USHBP1: variants seen among roughly 807,000 people sequenced by gnomAD.
The protein encoded by USHBP1 is harmonin-binding protein USHBP1.
USHBP1 carries 67 observed loss-of-function variants against 76.2 expected under a neutral mutation model. That is an observed-to-expected ratio of 0.88 (90% confidence interval 0.72 to 1.08). USHBP1 has a LOEUF of 1.08. USHBP1 is among the 50% of genes least tolerant of loss of function. The pLI, the probability that USHBP1 is intolerant of heterozygous loss-of-function variation, is 0.00. For missense variants in USHBP1, 931 were observed against 915.0 expected (o/e 1.02, Z -0.23); for synonymous variants, 322 against 362.2 (o/e 0.89, Z 1.26).
rs117148499 is a variant in USHBP1 at position 17,249,937 on chromosome 19, C to T, written c.*288G>A. ...GTGGCTATGCAACCTCACGGACCCC[C>T]GAAATGCGTCAGTCCCAGGGACCTG... On this transcript the variant is annotated 3_prime_UTR_variant, in exon 13 of 13. Coordinates refer to ENST00000252597, the MANE Select transcript of USHBP1 (RefSeq NM_031941.4). 1.7e-5 allele frequency: 7 copies of T among 411,070 alleles called. No individual in the cohort carries two copies. The highest frequency in any genetic ancestry group is 1.1e-4 in the East Asian group (2 of 18,712). 25.5% of individuals were successfully genotyped at this position (411,070 alleles called of 1,614,324 possible). A position where few individuals can be genotyped will look rare whatever the true frequency, so the allele number is the denominator to read the frequency against.
In USHBP1 at chr19:17,250,258, G is replaced by A. The variant is rs71338617; in HGVS notation, c.2079C>T (p.Leu693=). ...ARALGKPRPP[L]PPPQLGDTFL The stretch of plus-strand genomic sequence containing the variant: ...AGGTGTCCCCAAGCTGGGGAGGCGG[G>A]AGGGGAGGCCTGGGCTTCCCCAGGG... Residue 693 remains leucine, a synonymous_variant, in exon 13 of 13, where the codon CTC becomes CTT. Coordinates refer to ENST00000252597, the MANE Select transcript of USHBP1 (RefSeq NM_031941.4). 24 of 1,612,926 alleles carry A rather than the reference G, an allele frequency of 1.5e-5. No individual in the cohort carries two copies. The East Asian group carries it at 5.4e-4, about 36-fold the overall frequency.
At chr19:17,261,337 C>CTTTCTTT (rs747378053) in intron 4 of USHBP1, among the ~76,000 whole-genome samples, 1,716 of 123,894 alleles carry the variant, frequency 0.014, 23 homozygotes, top group East Asian at 0.024. Flanking sequence ...TTCTTTCTTT[C>CTTTCTTT]TTTTTTTTTT....
At chr19:17,255,736 C>T in intron 9 of USHBP1, 130 bp from the exon 10 acceptor site, 1 of 1,011,916 alleles carries the variant, frequency 9.9e-7, no homozygotes, top group Middle Eastern at 3.2e-4. Context: ...CGCAGTGGCT[C>T]ATGCCTGTAA....
intron 6 of USHBP1, 62 bp from the exon 7 acceptor site, chr19:17,259,491 T>G: frequency 6.2e-7 from 1 of 1,608,764 alleles, no homozygotes; most frequent in South Asian, 1.1e-5. Context: ...AGGCCTCAAT[T>G]TCCACCCTTT....
chr19:17,258,299 A>G lies in USHBP1; in HGVS notation c.1133T>C (p.Leu378Pro). The G allele has an allele frequency of 1.9e-6, 3 of 1,614,074 alleles. No homozygotes were observed. Among genetic ancestry groups the G allele is most frequent in the Non-Finnish European group, 2.5e-6 (3 of 1,180,024 alleles). Reference sequence around the variant, plus strand: ...CCATGCTTCCTTTTCAGCTGCTTGCAGGTCACTCATGGGGGCTTCGTCTCC... The same window carrying G: ...CCATGCTTCCTTTTCAGCTGCTTGCGGGTCACTCATGGGGGCTTCGTCTCC... ...GAGDEAPMSD[L>P]QAAEKEAWRL... is the part of the protein sequence containing the mutation. Residue 378 changes from leucine to proline, a missense_variant, in exon 8 of 13, where the codon CTG becomes CCG. Physicochemically the swap from Leu to Pro is moderately conservative, Grantham distance 98. Transcript: ENST00000252597.
In USHBP1 at chr19:17,256,482, C is replaced by G. The variant is rs745595835; in HGVS notation, c.1459G>C (p.Val487Leu). The G allele has an allele frequency of 6.2e-7, 1 of 1,613,628 alleles. No homozygotes were observed. The highest frequency in any genetic ancestry group is 2.2e-5 in the East Asian group (1 of 44,874). ...LEKTQIQQDLVAAREALADLM... is the reference protein window; with the variant it reads ...LEKTQIQQDLLAAREALADLM... ...CAGCCCATTTGTACCCTTGCGGCCACCAGGTCCTGCTGAATTTGTGTCTTC... is the reference window on the plus strand; with the variant it reads ...CAGCCCATTTGTACCCTTGCGGCCAGCAGGTCCTGCTGAATTTGTGTCTTC... The change falls in exon 9 of 13, where the codon GTG becomes CTG. Residue 487 changes from valine (V) to leucine (L), a missense_variant. Val to Leu is a conservative substitution (Grantham distance 32). Transcript: ENST00000252597.
At chr19:17,258,534 C>A (rs1599473339) in intron 7 of USHBP1, 149 bp from the exon 8 acceptor site, 1 of 774,196 alleles carries the variant, frequency 1.3e-6, no homozygotes, top group Non-Finnish European at 2.0e-6. Context: ...CATGGTGAAA[C>A]CCCGTCTCTA....
At chr19:17,250,455 G>A in intron 12 of USHBP1, 41 bp from the exon 13 acceptor site, 1 of 1,593,006 alleles carries the variant, frequency 6.3e-7, no homozygotes, top group Non-Finnish European at 8.5e-7. Flanking sequence ...CAGCCCCCGA[G>A]TCCACCCAAG....
intron 4 of USHBP1, 88 bp downstream of exon 4, chr19:17,262,464 A>G (rs2073700135): frequency 6.9e-7 from 1 of 1,445,260 alleles, no homozygotes; most frequent in Admixed American, 2.4e-5. Context: ...GGTTTTTTGA[A>G]TGAACAAATG....
intron 12 of USHBP1, among the ~76,000 whole-genome samples, chr19:17,250,707 C>T (rs1370956142): frequency 1.3e-5 from 2 of 151,788 alleles, no homozygotes; most frequent in South Asian, 2.1e-4. Flanking sequence ...CCCACCACCA[C>T]GCCCAGCTAA....
At chr19:17,253,539 TC>T (rs2073580083) in intron 10 of USHBP1, among the ~76,000 whole-genome samples, 1 of 148,976 alleles carries the variant, frequency 6.7e-6, no homozygotes, top group Non-Finnish European at 1.5e-5. Context: ...TCCACCCGCC[TC>T]GGCCTCCCAA....
intron 4 of USHBP1, 48 bp downstream of exon 4, chr19:17,262,504 C>T: frequency 3.2e-6 from 5 of 1,546,234 alleles, no homozygotes; most frequent in South Asian, 1.2e-5. Context: ...AGGCCCACCT[C>T]CTCCCTCAGA....
At chr19:17,257,025 T>C (rs1303889727) in intron 8 of USHBP1, among the ~76,000 whole-genome samples, 2 of 149,976 alleles carry the variant, frequency 1.3e-5, no homozygotes, top group East Asian at 4.0e-4. Context: ...TCCGTCTTTT[T>C]TTTTTTTTTT....
At position 17,251,669 on chromosome 19, in the gene USHBP1, C is replaced by T. The variant is rs758207356; in HGVS notation, c.1835G>A (p.Arg612His). Residue 612 changes from arginine to histidine, a missense_variant, in exon 12 of 13, where the codon CGC becomes CAC. By Grantham distance (29) the Arg-to-His change is conservative. Coordinates refer to ENST00000252597, the MANE Select transcript of USHBP1 (RefSeq NM_031941.4). ...CTGAGCCACCTGTTCCAGCTCCCTG[C>T]GCAGAGACTGCAGCTGCTCCTGCAG... ...LDLQEQLQSL[R>H]RELEQVAQKG... The T allele has an allele frequency of 1.1e-5, 18 of 1,613,750 alleles. No homozygotes were observed. Among genetic ancestry groups the T allele is most frequent in the East Asian group, 8.9e-5 (4 of 44,882 alleles).
intron 7 of USHBP1, chr19:17,258,818 C>G (rs535010869): frequency 7.8e-6 from 2 of 254,892 alleles, no homozygotes; most frequent in South Asian, 3.9e-5. Flanking sequence ...TCCCCACTGC[C>G]CTCAGCTCTG....
At position 17,255,504 on chromosome 19, in the gene USHBP1, C is replaced by T. The variant is rs12459398; in HGVS notation, c.1573G>A (p.Val525Met). Residue 525 changes from valine to methionine, a missense_variant, in exon 10 of 13, where the codon GTG (valine) becomes ATG (methionine). By Grantham distance (21) the Val-to-Met change is conservative. Coordinates refer to ENST00000252597, the MANE Select transcript of USHBP1 (RefSeq NM_031941.4). ...AALRALGPAHVLLLEQLRWER... is the reference protein window; with the variant it reads ...AALRALGPAHMLLLEQLRWER... ...CACCGCAGCTGCTCCAGCAGGAGCA[C>T]GTGAGCTGGACCCAGGGCTCGGAGG... The T allele has an allele frequency of 0.22, 355,528 of 1,613,726 alleles. 40,094 individuals are homozygous for T. The highest frequency in any genetic ancestry group is 0.31 in the African/African-American group (22,937 of 74,960).
intron 9 of USHBP1, 86 bp downstream of exon 9, chr19:17,256,385 C>T (rs147870298): frequency 5.1e-6 from 8 of 1,561,992 alleles, no homozygotes; most frequent in African/African-American, 4.1e-5. Context: ...CAGCAGAATT[C>T]TCCTTTGCTC....
At chr19:17,258,961 T>C (rs2073655151) in intron 7 of USHBP1, among the ~76,000 whole-genome samples, 3 of 151,376 alleles carry the variant, frequency 2.0e-5, no homozygotes, top group Non-Finnish European at 4.4e-5. Context: ...AGGTCAGGAG[T>C]TCGAGACTAG....
At chr19:17,252,069 C>T in intron 10 of USHBP1, 52 bp from the exon 11 acceptor site, 7 of 1,512,116 alleles carry the variant, frequency 4.6e-6, no homozygotes, top group Non-Finnish European at 5.3e-6. Flanking sequence ...CAAGTCCGTG[C>T]TTGGCCCACA....
Sources: allele counts gnomAD v4.1 joint callset (sites outside exome capture counted in the v4.1 genomes callset), GRCh38; gene constraint gnomAD v4.1.1; transcripts MANE v1.5; gene names NCBI Gene and HGNC (gene_info 2026-07-23, HGNC 2026-07-21).